The following ZMYM2 variants were observed in gnomAD, a reference collection of about 807,000 sequenced individuals.
The protein encoded by ZMYM2 is zinc finger MYM-type containing 2.
ZMYM2 carries 56 observed loss-of-function variants against 162.8 expected under a neutral mutation model. The ratio of observed to expected loss-of-function variants is 0.34; its 90% CI spans 0.28 to 0.43. The LOEUF is 0.43. ZMYM2 is among the 20% of genes least tolerant of loss of function. The pLI is 1.00. For missense variants in ZMYM2, 1,275 were observed against 1,621.8 expected, an observed-to-expected ratio of 0.79 and a Z score of 3.67; for synonymous variants, 510 against 541.6, an observed-to-expected ratio of 0.94 and a Z score of 0.81.
chr13:19,906,528 A>G, the ZMYM2 span, among the ~76,000 whole-genome samples: 18 of 14,494 alleles, frequency 1.2e-3, no homozygotes, highest in African/African-American at 2.8e-3. Flanking sequence ...TCACACATAT[A>G]TATATATATA....
chr13:19,865,799 C>A, the ZMYM2 span, among the ~76,000 whole-genome samples: 1 of 151,806 alleles, frequency 6.6e-6, no homozygotes, highest in Non-Finnish European at 1.5e-5. Context: ...CGAGGGTTGT[C>A]GAAAATTTAG....
chr13:19,934,169 A>ATTT, the ZMYM2 span, among the ~76,000 whole-genome samples: 1 of 151,424 alleles, frequency 6.6e-6, no homozygotes, highest in Non-Finnish European at 1.5e-5. Flanking sequence ...GTTTTAAATA[A>ATTT]TTTTTTTTTG....
At chr13:20,006,119 G>C (rs1950721232) in intron 5 of ZMYM2, among the ~76,000 whole-genome samples, 2 of 151,986 alleles carry the variant, frequency 1.3e-5, no homozygotes, top group South Asian at 4.1e-4. Flanking sequence ...TATAGTCTCA[G>C]CTACTCGGGA....
At chr13:20,055,324 T>C (rs967492751) in intron 14 of ZMYM2, among the ~76,000 whole-genome samples, 5 of 152,208 alleles carry the variant, frequency 3.3e-5, no homozygotes, top group Non-Finnish European at 7.3e-5. Flanking sequence ...TGCAGAGTGG[T>C]GAAAAATTTG....
In ZMYM2 at chr13:20,026,630, A is replaced by G. The variant is rs1952605317; in HGVS notation, c.1603A>G (p.Thr535Ala). The G allele has an allele frequency of 1.3e-6, 2 of 1,598,806 alleles. No individual in the cohort carries two copies. Among genetic ancestry groups the G allele is most frequent in the South Asian group, 1.1e-5 (1 of 86,976 alleles). The change falls in exon 8 of 25, where the codon ACT becomes GCT. Residue 535 changes from threonine to alanine, a missense_variant. Coordinates refer to ENST00000610343, the MANE Select transcript of ZMYM2 (RefSeq NM_197968.4). ...ATTTTAGAAATATGGAAAACTGACA[A>G]CTTGTACTGGTTGCCGAACACAGTG... ...MQPEKYGKLT[T>A]CTGCRTQCRF...
Position 20,045,049 on chromosome 13 carries a change from CAAAAAAAAAAAA to C in ZMYM2, c.2293-6372_2293-6361del, listed in dbSNP as rs933854935. On this transcript the variant is annotated intron_variant, in intron 12 of 24. Coordinates refer to ENST00000610343, the MANE Select transcript of ZMYM2 (RefSeq NM_197968.4). ...CGGGCGACAGAGCAAGACTCTGTGT[CAAAAAAAAAAAA>C]AAAAAAAAAAAGCATGTGAAGACAG... Among the ~76,000 whole-genome samples, 168 of 47,460 alleles carry C rather than the reference CAAAAAAAAAAAA, an allele frequency of 3.5e-3. 1 individual carries two copies. The Middle Eastern group carries it at 0.056, about 16-fold the overall frequency. 31.1% of individuals were successfully genotyped at this position (47,460 alleles called of 152,430 possible). A position where few individuals can be genotyped will look rare whatever the true frequency, so the allele number is the denominator to read the frequency against.
chr13:19,938,030 T>G, the ZMYM2 span, among the ~76,000 whole-genome samples: 1 of 152,138 alleles, frequency 6.6e-6, no homozygotes, highest in East Asian at 1.9e-4. Flanking sequence ...ATGTGCCACA[T>G]TTTCTTAATC....
At chr13:19,995,221 T>C (rs1949929344) in intron 3 of ZMYM2, among the ~76,000 whole-genome samples, 1 of 152,078 alleles carries the variant, frequency 6.6e-6, no homozygotes, top group South Asian at 2.1e-4. Context: ...TCATCCTTTT[T>C]TTCTTTTCTA....
chr13:19,912,224 G>C, the ZMYM2 span, among the ~76,000 whole-genome samples: 4 of 148,186 alleles, frequency 2.7e-5, no homozygotes, highest in African/African-American at 1.0e-4. Flanking sequence ...CACTCTCACT[G>C]TGCTACATCA....
At chr13:20,034,549 T>C in intron 11 of ZMYM2, 145 bp downstream of exon 11, 1 of 708,954 alleles carries the variant, frequency 1.4e-6, no homozygotes, top group East Asian at 3.1e-5. Context: ...TGTTTCGTTA[T>C]TTTATATGTG....
chr13:19,963,948 A>G (rs965150606), intron 2 of ZMYM2, among the ~76,000 whole-genome samples: 1 of 152,212 alleles, frequency 6.6e-6, no homozygotes, highest in Admixed American at 6.5e-5. Flanking sequence ...GTCCATTGAA[A>G]ATTAGAAGTA....
At chr13:19,959,169 C>T (rs1182623194) in intron 1 of ZMYM2, among the ~76,000 whole-genome samples, 2 of 147,732 alleles carry the variant, frequency 1.4e-5, no homozygotes, top group Admixed American at 6.7e-5. Flanking sequence ...GGTCGCGGGG[C>T]CGGCGGGGCG....
At chr13:19,956,499 T>C (rs1045285425), upstream of ZMYM2, among the ~76,000 whole-genome samples, 4 of 152,244 alleles carry the variant, frequency 2.6e-5, no homozygotes, top group Non-Finnish European at 4.4e-5. Context: ...TTTAACATTA[T>C]GACAAATACT....
At chr13:20,084,429 CTAAT>C (rs1260818610) in intron 24 of ZMYM2, among the ~76,000 whole-genome samples, 3 of 152,162 alleles carry the variant, frequency 2.0e-5, no homozygotes, top group Admixed American at 1.3e-4. Flanking sequence ...ACTATTGTAA[CTAAT>C]CGGTTCTCTT....
At chr13:19,965,178 T>G (rs1296145972) in intron 2 of ZMYM2, 1 of 1,140,248 alleles carries the variant, frequency 8.8e-7, no homozygotes, top group East Asian at 5.9e-5. Context: ...GTTTGTAAAA[T>G]GTGACTATAA....
At chr13:19,876,791 T>TA in the ZMYM2 span, among the ~76,000 whole-genome samples, 6 of 152,338 alleles carry the variant, frequency 3.9e-5, 1 homozygote, top group Admixed American at 3.9e-4. Context: ...CTGTACCTAT[T>TA]AGACAATAAC....
chr13:19,964,877 G>A lies in ZMYM2; in HGVS notation c.-11+4851G>A, dbSNP rs993462068. On this transcript the variant is annotated intron_variant, in intron 2 of 24. Coordinates refer to ENST00000610343, the MANE Select transcript of ZMYM2 (RefSeq NM_197968.4). Reference sequence around the variant, plus strand: ...ATTGTAATCAGGATAAATTTGCTAGGAATATAACTAATTGTTGCAACTTCA... The same window carrying A: ...ATTGTAATCAGGATAAATTTGCTAGAAATATAACTAATTGTTGCAACTTCA... 4.6e-5 allele frequency among the ~76,000 whole-genome samples: 7 copies of A among 152,070 alleles called. No homozygotes were observed. The South Asian group carries it at 1.2e-3, about 27-fold the overall frequency.
the ZMYM2 span, among the ~76,000 whole-genome samples, chr13:19,940,566 TC>T: frequency 6.6e-6 from 1 of 152,248 alleles, no homozygotes; most frequent in Non-Finnish European, 1.5e-5. Context: ...AAAGTTTGTT[TC>T]TTAAGTAAAC....
At chr13:20,063,029 C>T in intron 18 of ZMYM2, 58 bp downstream of exon 18, 1 of 1,503,936 alleles carries the variant, frequency 6.6e-7, no homozygotes, top group Non-Finnish European at 8.9e-7. Context: ...TGGTTATGAT[C>T]ATTTACCATT....
Sources: allele counts gnomAD v4.1 joint callset (sites outside exome capture counted in the v4.1 genomes callset), GRCh38; gene constraint gnomAD v4.1.1; transcripts MANE v1.5; gene names NCBI Gene and HGNC (gene_info 2026-07-23, HGNC 2026-07-21).